The following KDM4B variants were observed in gnomAD, a reference collection of about 807,000 sequenced individuals.
The protein encoded by KDM4B is lysine demethylase 4B.
KDM4B carries 32 observed loss-of-function variants against 125.2 expected under a neutral mutation model. The observed-to-expected ratio is 0.26, with a 90% CI of 0.19 to 0.34. The LOEUF is 0.34. Ranked by LOEUF, KDM4B falls within the 10% of genes least tolerant of loss-of-function variation. The probability of loss-of-function intolerance (pLI) is 1.00; values close to 1 mark genes in which losing one functional copy is unlikely to be tolerated. For synonymous variants in KDM4B, 721 were observed against 677.9 expected (o/e 1.06, Z -0.99); for missense variants, 1,190 against 1,577.7 (o/e 0.75, Z 4.16).
chr19:5,090,829 A>G (rs983306866), intron 9 of KDM4B, among the ~76,000 whole-genome samples: 1 of 151,230 alleles, frequency 6.6e-6, no homozygotes, highest in Non-Finnish European at 1.5e-5. Flanking sequence ...GCACAGGCCG[A>G]TGGGGCATCT....
intron 9 of KDM4B, among the ~76,000 whole-genome samples, chr19:5,087,778 C>G (rs1274040037): frequency 6.6e-6 from 1 of 152,202 alleles, no homozygotes; most frequent in Non-Finnish European, 1.5e-5. Flanking sequence ...TTCTTAAGCA[C>G]ACAGGTGTTA....
At chr19:5,079,949 G>A (rs1340824392) in intron 8 of KDM4B, among the ~76,000 whole-genome samples, 1 of 152,154 alleles carries the variant, frequency 6.6e-6, no homozygotes, top group East Asian at 1.9e-4. Context: ...GTAGTGGGGA[G>A]AAGCTGGCCC....
At chr19:5,007,958 T>G (rs762142156) in intron 1 of KDM4B, among the ~76,000 whole-genome samples, 9 of 152,216 alleles carry the variant, frequency 5.9e-5, no homozygotes, top group Non-Finnish European at 1.2e-4. Context: ...CACGAAGGTT[T>G]AATCCTATGG....
chr19:5,023,698 C>G (rs74932494), intron 2 of KDM4B, among the ~76,000 whole-genome samples: 17 of 151,842 alleles, frequency 1.1e-4, no homozygotes, highest in African/African-American at 3.6e-4. Context: ...GGAGCCCCCA[C>G]ACTTCCTACC....
In KDM4B at chr19:5,115,867, TAGGA is replaced by T. The variant is rs2039244497; in HGVS notation, c.1116-3781_1116-3778del. 6.6e-6 allele frequency among the ~76,000 whole-genome samples: 1 copy of T among 151,826 alleles called. No individual in the cohort carries two copies. The highest frequency in any genetic ancestry group is 1.5e-5 in the Non-Finnish European group (1 of 67,954). On this transcript the variant is annotated intron_variant, in intron 10 of 22. Transcript: ENST00000159111. This position sits in a 1 kb window ranked among gnomAD's most constrained non-coding sequence, Gnocchi z 4.2. The stretch of plus-strand genomic sequence containing the variant: ...AGCACTGACAGACAGAGCTGGAAGA[TAGGA>T]AGGATCAGGAAGTCAGAGGCGTAGT...
chr19:5,041,258 A>G lies in KDM4B; in HGVS notation c.432+7A>G, dbSNP rs974625855. ...CGGCTCTTTGTATGATGACGTAAGTATGAGGCTCCGGGGAAGAACAGGGAC... is the reference window on the plus strand; with the variant it reads ...CGGCTCTTTGTATGATGACGTAAGTGTGAGGCTCCGGGGAAGAACAGGGAC... On this transcript the variant is annotated splice_region_variant and intron_variant, in intron 5 of 22. Transcript: ENST00000159111. 2.5e-6 allele frequency: 4 copies of G among 1,604,274 alleles called. No homozygotes were observed. The highest frequency in any genetic ancestry group is 3.4e-6 in the Non-Finnish European group (4 of 1,172,048).
Position 5,119,869 on chromosome 19 carries a change from CCAGGCCTGGCACCGCTGT to C in KDM4B, c.1315+18_1315+35del, listed in dbSNP as rs1568309558. On this transcript the variant is annotated intron_variant, in intron 11 of 22. Transcript: ENST00000159111. ...GCGCAGAAGGTCAGTCCCTGCCGGG[CCAGGCCTGGCACCGCTGT>C]TTTCCCACCCCCGTGGGCATCTCCT... The C allele has an allele frequency of 6.5e-7, 1 of 1,544,032 alleles. No homozygotes were observed. Among genetic ancestry groups the C allele is most frequent in the East Asian group, 2.4e-5 (1 of 40,886 alleles).
Position 5,138,568 on chromosome 19 carries a change from A to C in KDM4B, c.2550+498A>C, listed in dbSNP as rs534379844. 7 of 159,754 alleles carry C rather than the reference A, an allele frequency of 4.4e-5. No individual in the cohort carries two copies. In the South Asian group the frequency reaches 1.2e-3, roughly 27 times the overall value. The allele number at this position is 159,754 out of a possible 1,614,324, so 9.9% of individuals were successfully genotyped here. Reference sequence around the variant, plus strand: ...CTACTCGGGAGGCTGAGGTGGGAGGATCGCCTGAGCCCGGGATACCCAGGC... The same window carrying C: ...CTACTCGGGAGGCTGAGGTGGGAGGCTCGCCTGAGCCCGGGATACCCAGGC... On this transcript the variant is annotated intron_variant, in intron 18 of 22. Coordinates refer to ENST00000159111, the MANE Select transcript of KDM4B (RefSeq NM_015015.3).
At chr19:5,147,873 C>T (rs1413366504) in intron 21 of KDM4B, among the ~76,000 whole-genome samples, 2 of 152,070 alleles carry the variant, frequency 1.3e-5, no homozygotes, top group African/African-American at 4.8e-5. Flanking sequence ...TGCGAGGTGG[C>T]GGCAGGACCT....
At chr19:5,025,078 G>A (rs2036236824) in intron 2 of KDM4B, among the ~76,000 whole-genome samples, 1 of 152,288 alleles carries the variant, frequency 6.6e-6, no homozygotes. Context: ...AATGAGTAGA[G>A]GGGAGAAAGG....
At chr19:4,991,990 C>T (rs889066953) in intron 1 of KDM4B, among the ~76,000 whole-genome samples, 1 of 152,104 alleles carries the variant, frequency 6.6e-6, no homozygotes, top group Admixed American at 6.6e-5. Context: ...TTCTGTGAGA[C>T]GGGTGGCAGT....
rs1336680736 is a variant in KDM4B, at chr19:5,152,020, C to T, written c.*509C>T. On this transcript the variant is annotated 3_prime_UTR_variant, in exon 23 of 23. Transcript: ENST00000159111. ...AGGATTCTCTGAGAGGTCAGAGCAT[C>T]TCGCTGTTTTTTTGTTGTTGTTTTA... The T allele has an allele frequency of 6.6e-6, 1 of 152,512 alleles. No individual in the cohort carries two copies. Among genetic ancestry groups the T allele is most frequent in the African/African-American group, 2.4e-5 (1 of 41,462 alleles). The allele number at this position is 152,512 out of a possible 1,614,324, so 9.4% of individuals were successfully genotyped here. A position where few individuals can be genotyped will look rare whatever the true frequency, so the allele number is the denominator to read the frequency against.
rs2036592603 is a variant in KDM4B at position 5,035,607 on chromosome 19, C to A, written c.141+2576C>A. 6.6e-6 allele frequency among the ~76,000 whole-genome samples: 1 copy of A among 152,136 alleles called. No individual in the cohort carries two copies. Among genetic ancestry groups the A allele is most frequent in the Middle Eastern group, 3.2e-3 (1 of 316 alleles). On this transcript the variant is annotated intron_variant, in intron 3 of 22. Coordinates refer to ENST00000159111, the MANE Select transcript of KDM4B (RefSeq NM_015015.3). This position sits in a 1 kb window ranked among gnomAD's most constrained non-coding sequence, Gnocchi z 5.3. ...GCCGCCTCTTTGAGCCCTCATGTCG[C>A]TGCTTCAGGTTTCTGCACTCCCCCC...
chr19:5,047,737 T>G, intron 6 of KDM4B, 68 bp downstream of exon 6: 46 of 1,470,794 alleles, frequency 3.1e-5, no homozygotes, highest in Non-Finnish European at 3.7e-5. Context: ...CAATCCCGGG[T>G]ACACGGCTGG....
intron 21 of KDM4B, 92 bp from the exon 22 acceptor site, chr19:5,150,266 G>A: frequency 9.4e-7 from 1 of 1,060,836 alleles, no homozygotes; most frequent in Non-Finnish European, 1.4e-6. Context: ...GCACCCAAGG[G>A]GGCTGGCCTC....
At chr19:5,088,655 G>GCCCCCCCCCCCCCC (rs139891662) in intron 9 of KDM4B, among the ~76,000 whole-genome samples, 2 of 98,080 alleles carry the variant, frequency 2.0e-5, no homozygotes, top group South Asian at 3.4e-4. Context: ...GACAGGCCAG[G>GCCCCCCCCCCCCCC]CCCCCCCCCT....
intron 7 of KDM4B, among the ~76,000 whole-genome samples, chr19:5,073,933 A>G (rs969746786): frequency 1.2e-4 from 19 of 152,194 alleles, no homozygotes; most frequent in African/African-American, 4.3e-4. Flanking sequence ...CCTCAGGAAC[A>G]TAGTGAGACT....
chr19:5,151,645 A>C lies in KDM4B; in HGVS notation c.*134A>C, dbSNP rs1348935972. ...CACCTCCAAGCCGCGGGTGCCCCCT[A>C]GGGCGACAGGAGCCAGCGGGACGCC... On this transcript the variant is annotated 3_prime_UTR_variant, in exon 23 of 23. Transcript: ENST00000159111. The C allele has an allele frequency of 2.6e-6, 2 of 777,774 alleles. No individual in the cohort carries two copies. The allele number at this position is 777,774 out of a possible 1,614,324, so 48.2% of individuals were successfully genotyped here.
chr19:4,974,209 A>G (rs2034362664), intron 1 of KDM4B, among the ~76,000 whole-genome samples: 1 of 151,766 alleles, frequency 6.6e-6, no homozygotes, highest in Non-Finnish European at 1.5e-5. Flanking sequence ...CATCCTGGCT[A>G]ACACCGTGAA....
Sources: allele counts gnomAD v4.1 joint callset (sites outside exome capture counted in the v4.1 genomes callset), GRCh38; gene constraint gnomAD v4.1.1; non-coding constraint Gnocchi (gnomAD v3.1); transcripts MANE v1.5; gene names NCBI Gene and HGNC (gene_info 2026-07-23, HGNC 2026-07-21).